The following C1QTNF7 variants were observed in gnomAD, a reference collection of about 807,000 sequenced individuals.
C1QTNF7 encodes C1q and TNF related 7.
Under a neutral mutation model 19.6 loss-of-function variants are expected in C1QTNF7, and 15 were observed. That is an observed-to-expected ratio of 0.76 (90% CI 0.51 to 1.18). The LOEUF (loss-of-function observed/expected upper bound fraction) is 1.18. Among genes scored for constraint, C1QTNF7 ranks in the 50% most tolerant of loss-of-function variants. The pLI is 0.00. For missense variants in C1QTNF7, 324 were observed against 359.7 expected, an observed-to-expected ratio of 0.90 and a Z score of 0.80; for synonymous variants, 142 against 137.5, an observed-to-expected ratio of 1.03 and a Z score of -0.23.
chr4:15,399,632 A>G (rs547580701), intron 1 of C1QTNF7, among the ~76,000 whole-genome samples: 2 of 152,378 alleles, frequency 1.3e-5, no homozygotes, highest in African/African-American at 4.8e-5. Flanking sequence ...CTCAAACATT[A>G]GCTCCTGTGA....
chr4:15,419,209 C>G (rs1990524), intron 1 of C1QTNF7, among the ~76,000 whole-genome samples: 39,914 of 152,038 alleles, frequency 0.26, 6,053 homozygotes, highest in East Asian at 0.38. Flanking sequence ...AACATACAGA[C>G]CTTTTGATCC....
intron 1 of C1QTNF7, among the ~76,000 whole-genome samples, chr4:15,398,335 A>G (rs1297293387): frequency 2.6e-5 from 4 of 152,168 alleles, no homozygotes; most frequent in African/African-American, 9.7e-5. Context: ...AGCTAATTAT[A>G]TCAGACTCAT....
chr4:15,389,291 G>C (rs1164907462), intron 1 of C1QTNF7, among the ~76,000 whole-genome samples: 1 of 152,140 alleles, frequency 6.6e-6, no homozygotes, highest in African/African-American at 2.4e-5. Context: ...GCCCCCAGTG[G>C]CCTAAAGGCA....
intron 1 of C1QTNF7, among the ~76,000 whole-genome samples, chr4:15,365,481 T>G (rs890914720): frequency 6.6e-6 from 1 of 152,230 alleles, no homozygotes; most frequent in African/African-American, 2.4e-5. Context: ...GTGGTTCAAC[T>G]TAGACCCGTC....
chr4:15,421,330 T>A (rs558135950), intron 1 of C1QTNF7, among the ~76,000 whole-genome samples: 2 of 152,158 alleles, frequency 1.3e-5, no homozygotes, highest in African/African-American at 2.4e-5. Context: ...GTTTGCATCA[T>A]TGAGTGGAGG....
chr4:15,399,472 G>A (rs1447904733), intron 1 of C1QTNF7, among the ~76,000 whole-genome samples: 2 of 152,184 alleles, frequency 1.3e-5, no homozygotes, highest in South Asian at 2.1e-4. Flanking sequence ...TCGATGATCT[G>A]TGACTTGGCC....
intron 1 of C1QTNF7, among the ~76,000 whole-genome samples, chr4:15,382,988 C>T (rs906194525): frequency 6.6e-6 from 1 of 152,174 alleles, no homozygotes; most frequent in African/African-American, 2.4e-5. Flanking sequence ...TCCCTGCCCT[C>T]TTACAGAAAA....
intron 1 of C1QTNF7, among the ~76,000 whole-genome samples, chr4:15,419,229 A>G (rs1034034530): frequency 1.3e-5 from 2 of 152,194 alleles, no homozygotes; most frequent in African/African-American, 4.8e-5. Context: ...CAATAATTCC[A>G]TTTCTGGGAA....
At position 15,400,787 on chromosome 4, in the gene C1QTNF7, T is replaced by G. The variant is rs544851320; in HGVS notation, c.14-34949T>G. ...TCAAACAGCAAAAAGGTTTATGTACTGATGCATAAATACAAAAGCCTTTAT... is the reference window on the plus strand; with the variant it reads ...TCAAACAGCAAAAAGGTTTATGTACGGATGCATAAATACAAAAGCCTTTAT... On this transcript the variant is annotated intron_variant, in intron 1 of 2. Transcript: ENST00000295297. 3.3e-5 allele frequency among the ~76,000 whole-genome samples: 5 copies of G among 152,352 alleles called. No homozygotes were observed. In the South Asian group the frequency reaches 1.0e-3, roughly 32 times the overall value.
At position 15,399,529 on chromosome 4, in the gene C1QTNF7, G is replaced by GAAA. The variant is rs540897847; in HGVS notation, c.14-36206_14-36205insAAA. On this transcript the variant is annotated intron_variant, in intron 1 of 2. Transcript: ENST00000295297. ...CTTGATTTCCTCCAGTTAGAATGGG[G>GAAA]ATAATAATAATCATGTACGTAGTGT... is the stretch of plus-strand genomic sequence containing the variant. Among the ~76,000 whole-genome samples the GAAA allele has an allele frequency of 2.1e-3, 322 of 152,296 alleles. 1 individual carries two copies. The highest frequency in any genetic ancestry group is 2.7e-3 in the Non-Finnish European group (187 of 68,020).
chr4:15,379,167 T>G (rs1718050716), intron 1 of C1QTNF7, among the ~76,000 whole-genome samples: 2 of 152,194 alleles, frequency 1.3e-5, no homozygotes, highest in Non-Finnish European at 1.5e-5. Context: ...TTTAATATAA[T>G]TTTTTTGTAA....
chr4:15,416,437 A>C (rs546104447), intron 1 of C1QTNF7, among the ~76,000 whole-genome samples: 1 of 152,126 alleles, frequency 6.6e-6, no homozygotes, highest in Admixed American at 6.5e-5. Flanking sequence ...CATTTCCTCC[A>C]CTACAAAGTG....
At chr4:15,391,196 T>G (rs1257678498) in intron 1 of C1QTNF7, among the ~76,000 whole-genome samples, 2 of 151,814 alleles carry the variant, frequency 1.3e-5, no homozygotes, top group African/African-American at 4.8e-5. Context: ...GTATGTATGT[T>G]GTAACGAGAG....
chr4:15,349,851 G>A lies in C1QTNF7; in HGVS notation c.13+9644G>A, dbSNP rs150748283. ...AATCCTATTTAGAAAGATGTTTTGT[G>A]TAGTAAAGAATACGAGTCTCATAAG... On this transcript the variant is annotated intron_variant, in intron 1 of 2. Transcript: ENST00000295297. Among the ~76,000 whole-genome samples, 257 of 152,226 alleles carry A rather than the reference G, an allele frequency of 1.7e-3. 1 individual carries two copies. Among genetic ancestry groups the A allele is most frequent in the African/African-American group, 5.8e-3 (241 of 41,546 alleles).
In C1QTNF7 at chr4:15,356,764, T is replaced by C. The variant is rs569290218; in HGVS notation, c.13+16557T>C. ...TCTACAGCCTCTCCAGCATCTGTTG[T>C]TTCCTTTCTTTTTAACGATTGCCAT... On this transcript the variant is annotated intron_variant, in intron 1 of 2. Transcript: ENST00000295297. Among the ~76,000 whole-genome samples the C allele has an allele frequency of 2.0e-5, 3 of 152,254 alleles. No homozygotes were observed. The South Asian group carries it at 6.2e-4, about 32-fold the overall frequency.
At chr4:15,363,554 C>A (rs1053020397) in intron 1 of C1QTNF7, among the ~76,000 whole-genome samples, 1 of 152,138 alleles carries the variant, frequency 6.6e-6, no homozygotes. Flanking sequence ...TTCCCAGCAA[C>A]CTCCTCCATC....
At chr4:15,355,975 C>T (rs1376492485) in intron 1 of C1QTNF7, among the ~76,000 whole-genome samples, 1 of 152,088 alleles carries the variant, frequency 6.6e-6, no homozygotes, top group Non-Finnish European at 1.5e-5. Flanking sequence ...CTCAGCCTCC[C>T]AAGTAACTAG....
intron 1 of C1QTNF7, among the ~76,000 whole-genome samples, chr4:15,366,844 G>A (rs1426940316): frequency 6.6e-6 from 1 of 152,178 alleles, no homozygotes; most frequent in Non-Finnish European, 1.5e-5. Context: ...GGAAGTGCAT[G>A]TGTGACTCCT....
exon 1 of C1QTNF7, chr4:15,340,187 T>C (rs1186000627): frequency 8.4e-6 from 13 of 1,551,566 alleles, no homozygotes; most frequent in Admixed American, 2.0e-5. Context: ...GAAAGTTTGA[T>C]ATCAGCAATG....
Sources: allele counts gnomAD v4.1 joint callset (sites outside exome capture counted in the v4.1 genomes callset), GRCh38; gene constraint gnomAD v4.1.1; transcripts MANE v1.5; gene names NCBI Gene and HGNC (gene_info 2026-07-23, HGNC 2026-07-21).